The following MDP1 variants were observed in gnomAD, a reference collection of about 807,000 sequenced individuals.
MDP1 encodes magnesium-dependent phosphatase 1.
A neutral mutation model predicts 21.6 loss-of-function variants in MDP1; 18 were observed. That is an observed-to-expected ratio of 0.83 (90% CI 0.58 to 1.24). The LOEUF (loss-of-function observed/expected upper bound fraction) is 1.24. Ranked by LOEUF, MDP1 falls within the 50% of genes most tolerant of loss-of-function variation. MDP1 has a pLI of 0.00. For missense variants in MDP1, 207 were observed against 218.6 expected (o/e 0.95, Z 0.33); for synonymous variants, 101 against 83.2 (o/e 1.21, Z -1.16).
chr14:24,215,854 G>A (rs1270064171), intron 1 of MDP1, 57 bp from the exon 2 acceptor site: 1 of 1,614,072 alleles, frequency 6.2e-7, no homozygotes, highest in Non-Finnish European at 8.5e-7. Flanking sequence ...AGGGATTCGG[G>A]AGCTGCTGTT....
intron 1 of MDP1, 32 bp downstream of exon 1, chr14:24,215,887 C>T (rs746762079): frequency 6.2e-7 from 1 of 1,614,168 alleles, no homozygotes; most frequent in South Asian, 1.1e-5. Context: ...AAGGAGAGCA[C>T]CTTACGAAAT....
rs1293405923 is a variant in MDP1 at position 24,214,124 on chromosome 14, C to T, written c.431G>A (p.Gly144Glu). 12 of 1,612,990 alleles carry T rather than the reference C, an allele frequency of 7.4e-6. No individual in the cohort carries two copies. In the East Asian group the frequency reaches 2.5e-4, roughly 33 times the overall value. Residue 144 changes from glycine to glutamate, a missense_variant, in exon 6 of 6, where the codon GGA becomes GAA. Physicochemically the swap from Gly to Glu is moderately conservative, Grantham distance 98. Coordinates refer to ENST00000288087, the MANE Select transcript of MDP1 (RefSeq NM_138476.4). Reference protein sequence around the residue: ...LGVTCIHIQNGMNLQTLSQGL... With the variant: ...LGVTCIHIQNEMNLQTLSQGL... ...TTGACTTAGAGTTTGAAGATTCATT[C>T]CATTCTGGATGTGAATGCAGGTAAC...
At chr14:24,215,694 C>G (rs1229803794) in intron 2 of MDP1, 32 bp from the exon 3 acceptor site, 3 of 1,614,232 alleles carry the variant, frequency 1.9e-6, no homozygotes, top group Non-Finnish European at 2.5e-6. Context: ...TCAGCCCTGG[C>G]TGGGTCCTAT....
At position 24,214,341 on chromosome 14, in the gene MDP1, C is replaced by G. The variant is rs1420370998; in HGVS notation, c.372G>C (p.Glu124Asp). The change falls in exon 5 of 6, where the codon GAG (glutamate) becomes GAC (aspartate). Residue 124 changes from glutamate to aspartate, a missense_variant. Physicochemically the swap from Glu to Asp is conservative, Grantham distance 45. Transcript: ENST00000288087. ...TGCTGACGTCTACAATATTCCGCCT[C>G]TCATCATCAAAGAAGATCATCTGGG... is the stretch of plus-strand genomic sequence containing the variant. ...PFSQMIFFDD[E>D]RRNIVDVSKL... 5.6e-6 allele frequency: 9 copies of G among 1,614,226 alleles called. No homozygotes were observed. Among genetic ancestry groups the G allele is most frequent in the Non-Finnish European group, 7.6e-6 (9 of 1,180,044 alleles).
intron 3 of MDP1, among the ~76,000 whole-genome samples, chr14:24,215,259 T>C (rs565853830): frequency 2.0e-5 from 3 of 151,938 alleles, no homozygotes; most frequent in Non-Finnish European, 4.4e-5. Flanking sequence ...CTAATTTTTG[T>C]ATTTTTAGTA....
rs1196113511 is a variant in MDP1 at position 24,216,043 on chromosome 14, C to T, written c.-88G>A. The T allele has an allele frequency of 9.6e-6, 15 of 1,555,328 alleles. No individual in the cohort carries two copies. Among genetic ancestry groups the T allele is most frequent in the Admixed American group, 1.7e-5 (1 of 59,168 alleles). ...GAACCTCCGGCAGCTAAGGCAGCCA[C>T]CCTGCCTGCCATAGACAAATGGCGA... On this transcript the variant is annotated 5_prime_UTR_variant, in exon 1 of 6. The change creates a new upstream start codon in the 5' untranslated region. Transcript: ENST00000288087.
In MDP1 at chr14:24,215,793, G is replaced by A. The variant is rs745690705; in HGVS notation, c.42C>T (p.Tyr14=). ...TGTCGACCCAGAAAGGCCAGAGAGTGTAATCTGCGAGAGGAAGGAGAGGGA... is the reference window on the plus strand; with the variant it reads ...TGTCGACCCAGAAAGGCCAGAGAGTATAATCTGCGAGAGGAAGGAGAGGGA... ...LPKLAVFDLD[Y]TLWPFWVDTH... The change falls in exon 2 of 6, where the codon TAC becomes TAT. Residue 14 remains tyrosine (Y), a synonymous_variant. Transcript: ENST00000288087. 2 of 1,614,240 alleles carry A rather than the reference G, an allele frequency of 1.2e-6. No homozygotes were observed. Among genetic ancestry groups the A allele is most frequent in the Admixed American group, 3.3e-5 (2 of 60,028 alleles).
intron 3 of MDP1, among the ~76,000 whole-genome samples, chr14:24,214,941 AT>A (rs11428547): frequency 0.057 from 7,812 of 136,976 alleles, 751 homozygotes; most frequent in African/African-American, 0.2. Flanking sequence ...CGCCACTACA[AT>A]TTTTTTTTTT....
rs1386348868 is a variant in MDP1 at position 24,214,133 on chromosome 14, A to T, written c.422T>A (p.Ile141Asn). 5.6e-6 allele frequency: 9 copies of T among 1,612,578 alleles called. No individual in the cohort carries two copies. Among genetic ancestry groups the T allele is most frequent in the Non-Finnish European group, 5.1e-6 (6 of 1,179,506 alleles). Residue 141 changes from isoleucine (I) to asparagine (N), a missense_variant, in exon 6 of 6, where the codon ATC becomes AAC. Coordinates refer to ENST00000288087, the MANE Select transcript of MDP1 (RefSeq NM_138476.4). ...AGTTTGAAGATTCATTCCATTCTGG[A>T]TGTGAATGCAGGTAACACCTAGAAA... Reference protein sequence around the residue: ...VSKLGVTCIHIQNGMNLQTLS... With the variant: ...VSKLGVTCIHNQNGMNLQTLS...
chr14:24,214,247 C>A, intron 5 of MDP1, 63 bp downstream of exon 5: 1 of 1,613,654 alleles, frequency 6.2e-7, no homozygotes, highest in Non-Finnish European at 8.5e-7. Context: ...AACTATCCAA[C>A]CTGTATGTAT....
intron 3 of MDP1, 44 bp from the exon 4 acceptor site, chr14:24,214,643 A>G (rs749607924): frequency 6.4e-5 from 103 of 1,603,468 alleles, no homozygotes; most frequent in Non-Finnish European, 8.3e-5. Flanking sequence ...GTGAAGGGCC[A>G]GGGCTACGTT....
intron 1 of MDP1, 35 bp downstream of exon 1, chr14:24,215,884 G>T (rs181484047): frequency 2.4e-5 from 39 of 1,614,066 alleles, no homozygotes; most frequent in Non-Finnish European, 2.8e-5. Flanking sequence ...GAAAAGGAGA[G>T]CACCTTACGA....
At position 24,216,059 on chromosome 14, in the gene MDP1, C is replaced by A; in HGVS notation, c.-104G>T. 6.8e-7 allele frequency: 1 copy of A among 1,478,562 alleles called. No individual in the cohort carries two copies. The highest frequency in any genetic ancestry group is 9.3e-7 in the Non-Finnish European group (1 of 1,071,202). The allele number at this position is 1,478,562 out of a possible 1,614,324, so 91.6% of individuals were successfully genotyped here. A position where few individuals can be genotyped will look rare whatever the true frequency, so the allele number is the denominator to read the frequency against. ...AGGCAGCCACCCTGCCTGCCATAGA[C>A]AAATGGCGACTAGAGCGTCGCCACT... On this transcript the variant is annotated 5_prime_UTR_variant, in exon 1 of 6. Coordinates refer to ENST00000288087, the MANE Select transcript of MDP1 (RefSeq NM_138476.4).
rs1308874595 is a variant in MDP1, at chr14:24,214,472, C to A, written c.317+20G>T. 6.2e-6 allele frequency: 10 copies of A among 1,614,162 alleles called. No homozygotes were observed. Among genetic ancestry groups the A allele is most frequent in the Non-Finnish European group, 7.6e-6 (9 of 1,180,022 alleles). On this transcript the variant is annotated intron_variant, in intron 4 of 5. Transcript: ENST00000288087. ...CTCTCTGATACTTTCTCACCCTGCT[C>A]CTCCCTTATCTCCGCATACCTCTCA...
Position 24,216,021 on chromosome 14 carries a change from C to T in MDP1, c.-66G>A, listed in dbSNP as rs903372800. On this transcript the variant is annotated 5_prime_UTR_variant, in exon 1 of 6. Coordinates refer to ENST00000288087, the MANE Select transcript of MDP1 (RefSeq NM_138476.4). ...ACCCGGGGCCTTAGAGAGTGCGGAA[C>T]CTCCGGCAGCTAAGGCAGCCACCCT... is the stretch of plus-strand genomic sequence containing the variant. 44 of 1,606,244 alleles carry T rather than the reference C, an allele frequency of 2.7e-5. No individual in the cohort carries two copies. In the South Asian group the frequency reaches 4.8e-4, roughly 18 times the overall value.
Position 24,216,056 on chromosome 14 carries a change from AGACAAAT to A in MDP1, c.-108_-102del. On this transcript the variant is annotated 5_prime_UTR_variant, in exon 1 of 6. Coordinates refer to ENST00000288087, the MANE Select transcript of MDP1 (RefSeq NM_138476.4). ...CTAAGGCAGCCACCCTGCCTGCCAT[AGACAAAT>A]GGCGACTAGAGCGTCGCCACTCGGG... is the stretch of plus-strand genomic sequence containing the variant. 1 of 1,508,292 alleles carries A rather than the reference AGACAAAT, an allele frequency of 6.6e-7. No homozygotes were observed. The highest frequency in any genetic ancestry group is 9.1e-7 in the Non-Finnish European group (1 of 1,096,502). 93.4% of individuals were successfully genotyped at this position (1,508,292 alleles called of 1,614,324 possible). A position where few individuals can be genotyped will look rare whatever the true frequency, so the allele number is the denominator to read the frequency against.
In MDP1 at chr14:24,215,787, G is replaced by C. The variant is rs986270848; in HGVS notation, c.48C>G (p.Leu16=). ...KLAVFDLDYT[L]WPFWVDTHVD... ...CGTGCGTGTCGACCCAGAAAGGCCA[G>C]AGAGTGTAATCTGCGAGAGGAAGGA... Residue 16 remains leucine, a synonymous_variant, in exon 2 of 6, where the codon CTC becomes CTG. Coordinates refer to ENST00000288087, the MANE Select transcript of MDP1 (RefSeq NM_138476.4). 4.3e-6 allele frequency: 7 copies of C among 1,614,110 alleles called. No homozygotes were observed. Among genetic ancestry groups the C allele is most frequent in the Non-Finnish European group, 5.9e-6 (7 of 1,180,048 alleles).
In MDP1 at chr14:24,215,992, C is replaced by G; in HGVS notation, c.-37G>C. The G allele has an allele frequency of 6.2e-7, 1 of 1,613,844 alleles. No homozygotes were observed. The highest frequency in any genetic ancestry group is 8.5e-7 in the Non-Finnish European group (1 of 1,179,968). On this transcript the variant is annotated 5_prime_UTR_variant, in exon 1 of 6. Coordinates refer to ENST00000288087, the MANE Select transcript of MDP1 (RefSeq NM_138476.4). ...CAGGCTGCGCGCAGCAGAGGTGGGG[C>G]TTCACCCGGGGCCTTAGAGAGTGCG...
At chr14:24,214,277 G>A in intron 5 of MDP1, 33 bp downstream of exon 5, 1 of 1,614,066 alleles carries the variant, frequency 6.2e-7, no homozygotes, top group East Asian at 2.2e-5. Flanking sequence ...CCCTCCTAGG[G>A]ACCCCAAATG....
Sources: gnomAD v4.1 joint callset for allele counts (sites outside exome capture counted in the v4.1 genomes callset) on GRCh38, gnomAD v4.1.1 for gene constraint, MANE v1.5 for transcripts, NCBI Gene and HGNC (gene_info 2026-07-23, HGNC 2026-07-21) for gene names.